The following COL28A1 variants were observed in gnomAD, a reference collection of about 807,000 sequenced individuals.
COL28A1 encodes collagen type XXVIII alpha 1 chain.
COL28A1 carries 161 observed loss-of-function variants against 150.2 expected under a neutral mutation model. The ratio of observed to expected loss-of-function variants is 1.07; its 90% confidence interval spans 0.94 to 1.22. COL28A1 has a LOEUF of 1.22. Ranked by LOEUF, COL28A1 falls within the 50% of genes most tolerant of loss-of-function variation. COL28A1 has a pLI of 0.00. For synonymous variants in COL28A1, 552 were observed against 469.7 expected (o/e 1.18, Z -2.26); for missense variants, 1,617 against 1,388.3 (o/e 1.16, Z -2.62).
intron 11 of COL28A1, among the ~76,000 whole-genome samples, chr7:7,497,335 A>G (rs1562835054): frequency 6.6e-6 from 1 of 152,228 alleles, no homozygotes; most frequent in Non-Finnish European, 1.5e-5. Flanking sequence ...CTTACTATGC[A>G]AGAAGTGCTG....
In COL28A1 at chr7:7,477,118, T is replaced by C. The variant is rs763944290; in HGVS notation, c.1227A>G (p.Gly409=). ...ERGLPGEGFP[G]PKGEKGSEGP... The stretch of plus-strand genomic sequence containing the variant: ...GTACAGAAGGTATTGTTACCTTTGG[T>C]CCTGGAAATCCTTCTCCGGGTAAGC... Residue 409 remains glycine, a synonymous_variant, in exon 14 of 35, where the codon GGA becomes GGG. Transcript: ENST00000399429. 2 of 1,210,446 alleles carry C rather than the reference T, an allele frequency of 1.7e-6. No individual in the cohort carries two copies. The highest frequency in any genetic ancestry group is 1.5e-5 in the African/African-American group (1 of 67,484). 75.0% of individuals were successfully genotyped at this position (1,210,446 alleles called of 1,614,324 possible).
intron 8 of COL28A1, among the ~76,000 whole-genome samples, chr7:7,512,327 T>C (rs907191594): frequency 6.6e-6 from 1 of 152,186 alleles, no homozygotes; most frequent in African/African-American, 2.4e-5. Flanking sequence ...ATGTCTTGTA[T>C]TGAAAATCAC....
chr7:7,366,447 T>A (rs187556441), intron 33 of COL28A1, among the ~76,000 whole-genome samples: 13 of 152,298 alleles, frequency 8.5e-5, no homozygotes, highest in Admixed American at 3.3e-4. Flanking sequence ...CTAGATCAGT[T>A]AGGAATATGT....
At chr7:7,451,372 C>T (rs967218288) in intron 18 of COL28A1, among the ~76,000 whole-genome samples, 43 of 152,092 alleles carry the variant, frequency 2.8e-4, no homozygotes, top group Admixed American at 2.0e-3. Context: ...ACTACAAGCA[C>T]GCATCAATAC....
intron 15 of COL28A1, among the ~76,000 whole-genome samples, chr7:7,465,258 G>A (rs1269991582): frequency 1.3e-4 from 5 of 37,924 alleles, no homozygotes; most frequent in East Asian, 7.2e-4. Context: ...CGCACCGTGC[G>A]CGAGCCGAAG....
chr7:7,427,076 A>T (rs529725207), intron 25 of COL28A1, among the ~76,000 whole-genome samples: 3 of 152,332 alleles, frequency 2.0e-5, no homozygotes, highest in South Asian at 2.1e-4. Flanking sequence ...GTACATACTC[A>T]TAAGAAGAGA....
At chr7:7,456,450 T>G (rs1787177135) in intron 15 of COL28A1, among the ~76,000 whole-genome samples, 1 of 152,070 alleles carries the variant, frequency 6.6e-6, no homozygotes, top group Non-Finnish European at 1.5e-5. Context: ...AAGTAGAAAA[T>G]TCATAGGATA....
chr7:7,379,480 T>G (rs1781744755), intron 30 of COL28A1, among the ~76,000 whole-genome samples: 1 of 152,102 alleles, frequency 6.6e-6, no homozygotes, highest in Non-Finnish European at 1.5e-5. Context: ...AGACCACATC[T>G]TCTATCATAG....
intron 13 of COL28A1, among the ~76,000 whole-genome samples, chr7:7,482,411 A>G (rs1779383399): frequency 6.6e-6 from 1 of 151,814 alleles, no homozygotes; most frequent in African/African-American, 2.4e-5. Context: ...TACAGTCCCA[A>G]CTACTTGGGA....
chr7:7,383,680 G>GTGTA (rs987298338), intron 27 of COL28A1, among the ~76,000 whole-genome samples: 3 of 46,352 alleles, frequency 6.5e-5, no homozygotes, highest in South Asian at 1.1e-3. Context: ...GTGTGTGTGT[G>GTGTA]TGTATATATA....
chr7:7,388,535 G>T lies in COL28A1; in HGVS notation c.2137-6923C>A, dbSNP rs573177575. On this transcript the variant is annotated intron_variant, in intron 27 of 34. Transcript: ENST00000399429. The stretch of plus-strand genomic sequence containing the variant: ...TGGGTATATACCCAGTAATGGGATT[G>T]CTGGGTCAAATGGTATTTCTGGTTC... 2.9e-4 allele frequency among the ~76,000 whole-genome samples: 44 copies of T among 152,276 alleles called. No homozygotes were observed. The East Asian group carries it at 8.3e-3, about 29-fold the overall frequency.
the COL28A1 span, among the ~76,000 whole-genome samples, chr7:7,346,201 T>C: frequency 6.6e-6 from 1 of 152,022 alleles, no homozygotes; most frequent in Non-Finnish European, 1.5e-5. Flanking sequence ...AACCCCTTAA[T>C]ATCTCATTAG....
At chr7:7,465,426 A>G (rs1788003220) in intron 15 of COL28A1, among the ~76,000 whole-genome samples, 1 of 140,744 alleles carries the variant, frequency 7.1e-6, no homozygotes, top group Non-Finnish European at 1.5e-5. Flanking sequence ...CCACGAGACT[A>G]TATCCCCCAC....
chr7:7,422,053 G>A (rs73047875), intron 25 of COL28A1, among the ~76,000 whole-genome samples: 2,555 of 152,290 alleles, frequency 0.017, 35 homozygotes, highest in Non-Finnish European at 0.027. Flanking sequence ...TTCAAAGGGA[G>A]AGTGTGTAAG....
At chr7:7,460,662 GT>G (rs1787541236) in intron 15 of COL28A1, among the ~76,000 whole-genome samples, 1 of 152,208 alleles carries the variant, frequency 6.6e-6, no homozygotes. Flanking sequence ...GATTACAGGC[GT>G]AAGCCACTGC....
chr7:7,523,151 CCTTT>C (rs1452606419), intron 4 of COL28A1, among the ~76,000 whole-genome samples: 2 of 137,434 alleles, frequency 1.5e-5, no homozygotes, highest in Non-Finnish European at 3.0e-5. Flanking sequence ...AGGGTTTTTT[CCTTT>C]CTTTCTTTTC....
chr7:7,378,137 C>T (rs927514459), intron 30 of COL28A1, among the ~76,000 whole-genome samples: 2 of 151,938 alleles, frequency 1.3e-5, no homozygotes, highest in African/African-American at 2.4e-5. Flanking sequence ...GAGAATTGTC[C>T]GGGCAGGAGG....
chr7:7,531,772 G>C lies in COL28A1; in HGVS notation c.257C>G (p.Ser86Cys). Residue 86 changes from serine (S) to cysteine (C), a missense_variant, in exon 3 of 35, where the codon TCC (serine) becomes TGC (cysteine). Ser to Cys is a moderately radical substitution (Grantham distance 112). Coordinates refer to ENST00000399429, the MANE Select transcript of COL28A1 (RefSeq NM_001037763.3). Reference sequence around the variant, plus strand: ...TGCCAGTTTGATGTCATATTCCAAGGAGCGACCAGGAGTCAATTGGAAAAT... The same window carrying C: ...TGCCAGTTTGATGTCATATTCCAAGCAGCGACCAGGAGTCAATTGGAAAAT... ...DKIFQLTPGR[S>C]LEYDIKLAAL... The C allele has an allele frequency of 6.2e-7, 1 of 1,606,708 alleles. No homozygotes were observed. Among genetic ancestry groups the C allele is most frequent in the East Asian group, 2.2e-5 (1 of 44,832 alleles).
chr7:7,437,471 G>T lies in COL28A1; in HGVS notation c.1723-9C>A. The T allele has an allele frequency of 1.2e-6, 2 of 1,611,702 alleles. No homozygotes were observed. Among genetic ancestry groups the T allele is most frequent in the Non-Finnish European group, 1.7e-6 (2 of 1,179,298 alleles). ...ATAATGCCCGGTTCACCCTTAAAAA[G>T]AGCAAAATGCTCACTACATTTCAAG... On this transcript the variant is annotated splice_polypyrimidine_tract_variant and intron_variant, in intron 21 of 34. Coordinates refer to ENST00000399429, the MANE Select transcript of COL28A1 (RefSeq NM_001037763.3).
Sources: gnomAD v4.1 joint callset for allele counts (sites outside exome capture counted in the v4.1 genomes callset) on GRCh38, gnomAD v4.1.1 for gene constraint, MANE v1.5 for transcripts, NCBI Gene and HGNC (gene_info 2026-07-23, HGNC 2026-07-21) for gene names.